GCH1: variants seen among roughly 807,000 people sequenced by gnomAD.
GCH1 encodes the protein GTP cyclohydrolase 1.
Under a neutral mutation model 25.9 loss-of-function variants are expected in GCH1, and 5 were observed. That is an observed-to-expected ratio of 0.19 (90% confidence interval 0.10 to 0.41). The LOEUF (loss-of-function observed/expected upper bound fraction) is 0.41, where lower values mean the gene tolerates loss of function less well. GCH1 is among the 10% of genes least tolerant of loss of function. The pLI is 1.00. For missense variants in GCH1, 261 were observed against 336.5 expected (o/e 0.78, Z 1.75); for synonymous variants, 159 against 129.6 (o/e 1.23, Z -1.54).
chr14:54,844,328 T>G (rs1403442940), intron 5 of GCH1, among the ~76,000 whole-genome samples, 185 bp from the exon 6 acceptor site: 2 of 152,234 alleles, frequency 1.3e-5, no homozygotes, highest in African/African-American at 4.8e-5. Context: ...TTGAACATAA[T>G]GGCAAAAACT....
At position 54,863,756 on chromosome 14, in the gene GCH1, T is replaced by C. The variant is rs80349359; in HGVS notation, c.453+1571A>G. ...TCCATAGGGTTATAAGTTGATAAACTGATACAAAGGATGGATTAGGGATTA... is the reference window on the plus strand; with the variant it reads ...TCCATAGGGTTATAAGTTGATAAACCGATACAAAGGATGGATTAGGGATTA... On this transcript the variant is annotated intron_variant, in intron 2 of 5. Coordinates refer to ENST00000491895, the MANE Select transcript of GCH1 (RefSeq NM_000161.3). Among the ~76,000 whole-genome samples the C allele has an allele frequency of 6.4e-3, 973 of 152,238 alleles. 7 individuals carry two copies. Among genetic ancestry groups the C allele is most frequent in the African/African-American group, 0.022 (902 of 41,540 alleles).
chr14:54,871,166 C>G (rs1421375454), intron 1 of GCH1, among the ~76,000 whole-genome samples: 1 of 152,208 alleles, frequency 6.6e-6, no homozygotes, highest in Non-Finnish European at 1.5e-5. Flanking sequence ...GAGGAACGAT[C>G]AGGCAGCAAC....
chr14:54,866,018 T>C (rs1013405898), intron 1 of GCH1, among the ~76,000 whole-genome samples: 2 of 152,140 alleles, frequency 1.3e-5, no homozygotes, highest in African/African-American at 4.8e-5. Context: ...TCCTACAGTT[T>C]GTGTGTATAT....
chr14:54,851,613 C>T (rs1344238419), intron 3 of GCH1, among the ~76,000 whole-genome samples: 1 of 152,154 alleles, frequency 6.6e-6, no homozygotes, highest in Non-Finnish European at 1.5e-5. Context: ...CCAACAGACA[C>T]ACGAAAAAAT....
At chr14:54,853,025 G>A (rs2039757623) in intron 3 of GCH1, among the ~76,000 whole-genome samples, 1 of 152,184 alleles carries the variant, frequency 6.6e-6, no homozygotes, top group African/African-American at 2.4e-5. Flanking sequence ...GTGCAATGGT[G>A]CGATCTCAGC....
chr14:54,870,843 C>T (rs559207571), intron 1 of GCH1, among the ~76,000 whole-genome samples: 5 of 152,310 alleles, frequency 3.3e-5, no homozygotes, highest in African/African-American at 7.2e-5. Flanking sequence ...GTAAACAAAG[C>T]GGCTGGGAAG....
At chr14:54,894,993 T>C (rs1161210440) in intron 1 of GCH1, among the ~76,000 whole-genome samples, 1 of 152,216 alleles carries the variant, frequency 6.6e-6, no homozygotes, top group Non-Finnish European at 1.5e-5. Flanking sequence ...AAATAGTTTA[T>C]GTTTTTGTTC....
chr14:54,855,505 C>CAAAAAAAAAAAAAAA lies in GCH1; in HGVS notation c.509+4161_509+4175dup, dbSNP rs764999718. Among the ~76,000 whole-genome samples the CAAAAAAAAAAAAAAA allele has an allele frequency of 1.5e-3, 56 of 36,418 alleles. 5 individuals carry two copies. The highest frequency in any genetic ancestry group is 5.3e-3 in the African/African-American group (30 of 5,648). 23.9% of individuals were successfully genotyped at this position (36,418 alleles called of 152,430 possible). A position where few individuals can be genotyped will look rare whatever the true frequency, so the allele number is the denominator to read the frequency against. On this transcript the variant is annotated intron_variant, in intron 3 of 5. Coordinates refer to ENST00000491895, the MANE Select transcript of GCH1 (RefSeq NM_000161.3). ...TGGGCGACAGAGAAAGACCCTGTCT[C>CAAAAAAAAAAAAAAA]AAAAAAAAAAAAAAAAAAAAAAAAG...
chr14:54,859,779 G>C (rs778856584), intron 2 of GCH1, 43 bp from the exon 3 acceptor site: 24 of 1,050,656 alleles, frequency 2.3e-5, no homozygotes, highest in Non-Finnish European at 3.2e-5. Context: ...TGAAAATACA[G>C]TGCCTTCTTT....
At chr14:54,898,393 T>C (rs1397461631) in intron 1 of GCH1, among the ~76,000 whole-genome samples, 1 of 152,172 alleles carries the variant, frequency 6.6e-6, no homozygotes, top group Non-Finnish European at 1.5e-5. Flanking sequence ...TAAGTGAATG[T>C]GAAGGCCTAG....
At chr14:54,856,063 C>T (rs1371602294) in intron 3 of GCH1, among the ~76,000 whole-genome samples, 1 of 152,090 alleles carries the variant, frequency 6.6e-6, no homozygotes, top group Non-Finnish European at 1.5e-5. Context: ...ATCTAATACT[C>T]ACCTCACTTA....
intron 1 of GCH1, among the ~76,000 whole-genome samples, chr14:54,870,419 G>A (rs1280414194): frequency 2.0e-5 from 3 of 151,698 alleles, no homozygotes; most frequent in Non-Finnish European, 4.4e-5. Flanking sequence ...AGCTCCCAGT[G>A]TGAGCAACGC....
At chr14:54,873,422 A>C (rs1290847681) in intron 1 of GCH1, among the ~76,000 whole-genome samples, 1 of 152,238 alleles carries the variant, frequency 6.6e-6, no homozygotes, top group Non-Finnish European at 1.5e-5. Context: ...CCCTAACATC[A>C]CAATTAAAAG....
At chr14:54,898,116 A>C (rs932121151) in intron 1 of GCH1, among the ~76,000 whole-genome samples, 1 of 152,222 alleles carries the variant, frequency 6.6e-6, no homozygotes, top group African/African-American at 2.4e-5. Context: ...GGGATAGCTC[A>C]TGCCTGTAAT....
chr14:54,900,147 G>A (rs570911937), intron 1 of GCH1, among the ~76,000 whole-genome samples: 4 of 151,392 alleles, frequency 2.6e-5, no homozygotes, highest in African/African-American at 7.3e-5. Context: ...TTACAGGTGT[G>A]AGCCACCGCG....
chr14:54,875,723 G>A (rs2040149074), intron 1 of GCH1, among the ~76,000 whole-genome samples: 1 of 152,218 alleles, frequency 6.6e-6, no homozygotes, highest in South Asian at 2.1e-4. Flanking sequence ...AGACCTTTAT[G>A]CAGCCAAAAG....
chr14:54,877,195 T>C (rs1018096897), intron 1 of GCH1, among the ~76,000 whole-genome samples: 10 of 152,210 alleles, frequency 6.6e-5, no homozygotes, highest in African/African-American at 2.2e-4. Flanking sequence ...CTATCACATA[T>C]TGTTTTAATT....
intron 1 of GCH1, among the ~76,000 whole-genome samples, chr14:54,889,036 C>G (rs562390661): frequency 6.6e-6 from 1 of 152,274 alleles, no homozygotes; most frequent in East Asian, 1.9e-4. Context: ...GGACACGCAG[C>G]ATGGGATAAG....
intron 1 of GCH1, among the ~76,000 whole-genome samples, chr14:54,874,325 T>C (rs1190977316): frequency 6.6e-6 from 1 of 152,134 alleles, no homozygotes; most frequent in Non-Finnish European, 1.5e-5. Flanking sequence ...ATAAATTAGG[T>C]ATTGATGGGA....
Sources: gnomAD v4.1 joint callset for allele counts (sites outside exome capture counted in the v4.1 genomes callset) on GRCh38, gnomAD v4.1.1 for gene constraint, MANE v1.5 for transcripts, NCBI Gene and HGNC (gene_info 2026-07-23, HGNC 2026-07-21) for gene names.